The following PSAP variants were observed in gnomAD, a reference collection of about 807,000 sequenced individuals.
The protein encoded by PSAP is prosaposin.
Under a neutral mutation model 66.0 loss-of-function variants are expected in PSAP, and 25 were observed. That is an observed-to-expected ratio of 0.38 (90% CI 0.28 to 0.53). The LOEUF (loss-of-function observed/expected upper bound fraction) is 0.53, where lower values mean the gene tolerates loss of function less well. Among genes scored for constraint, PSAP ranks in the 20% least tolerant of loss-of-function variants. The probability of loss-of-function intolerance (pLI) is 0.83; values close to 1 mark genes in which losing one functional copy is unlikely to be tolerated. For synonymous variants in PSAP, 273 were observed against 258.9 expected (o/e 1.05, Z -0.52); for missense variants, 649 against 668.8 (o/e 0.97, Z 0.33).
chr10:71,832,104 G>A (rs1564821483), intron 2 of PSAP, among the ~76,000 whole-genome samples, 184 bp from the exon 3 acceptor site: 1 of 152,128 alleles, frequency 6.6e-6, no homozygotes, highest in Non-Finnish European at 1.5e-5. Context: ...GGAGGGAAGA[G>A]GTGTGACTCA....
At chr10:71,830,555 C>G (rs1369181556) in intron 4 of PSAP, among the ~76,000 whole-genome samples, 1 of 152,246 alleles carries the variant, frequency 6.6e-6, no homozygotes, top group African/African-American at 2.4e-5. Flanking sequence ...GCCTTCCTCA[C>G]CAGAACCTTG....
chr10:71,817,081 AG>A lies in PSAP; in HGVS notation c.*359del, dbSNP rs1842181350. 1 of 403,556 alleles carries A rather than the reference AG, an allele frequency of 2.5e-6. No homozygotes were observed. Among genetic ancestry groups the A allele is most frequent in the Middle Eastern group, 7.6e-4 (1 of 1,320 alleles). 25.0% of individuals were successfully genotyped at this position (403,556 alleles called of 1,614,324 possible). A position where few individuals can be genotyped will look rare whatever the true frequency, so the allele number is the denominator to read the frequency against. On this transcript the variant is annotated 3_prime_UTR_variant, in exon 14 of 14. Coordinates refer to ENST00000394936, the MANE Select transcript of PSAP (RefSeq NM_002778.4). ...GCCCACCAGTGCCCAAGCACATGTC[AG>A]GGCTCAGAACAAGGCCTCAACCAAG...
At chr10:71,818,153 A>C (rs1396372342) in intron 13 of PSAP, among the ~76,000 whole-genome samples, 3 of 152,240 alleles carry the variant, frequency 2.0e-5, no homozygotes, top group African/African-American at 7.2e-5. Flanking sequence ...AGGCCAGGCC[A>C]GGGCCACAGT....
rs2133048261 is a variant in PSAP, at chr10:71,831,260, G to C, written c.250-9C>G. On this transcript the variant is annotated splice_polypyrimidine_tract_variant and intron_variant, in intron 3 of 13. Coordinates refer to ENST00000394936, the MANE Select transcript of PSAP (RefSeq NM_002778.4). ...TAAACAAGGATCTCCTCCTACGAGAGGACACCAGGGTCAGAATCACGATAG... is the reference window on the plus strand; with the variant it reads ...TAAACAAGGATCTCCTCCTACGAGACGACACCAGGGTCAGAATCACGATAG... 1.2e-6 allele frequency: 2 copies of C among 1,613,486 alleles called. No homozygotes were observed. The highest frequency in any genetic ancestry group is 1.1e-5 in the South Asian group (1 of 91,070).
chr10:71,835,128 G>A lies in PSAP; in HGVS notation c.41-623C>T, dbSNP rs1842595867. Among the ~76,000 whole-genome samples, 3 of 151,968 alleles carry A rather than the reference G, an allele frequency of 2.0e-5. No individual in the cohort carries two copies. The South Asian group carries it at 6.2e-4, about 32-fold the overall frequency. On this transcript the variant is annotated intron_variant, in intron 1 of 13. Coordinates refer to ENST00000394936, the MANE Select transcript of PSAP (RefSeq NM_002778.4). ...GTGGTGGCGGGCGCCTGTAGTTCCA[G>A]CTACTCGGGAGGCTGAGGCAGGAGA...
intron 6 of PSAP, among the ~76,000 whole-genome samples, chr10:71,827,086 T>C (rs1482310626): frequency 6.6e-6 from 1 of 152,122 alleles, no homozygotes; most frequent in Non-Finnish European, 1.5e-5. Context: ...GTCACATACA[T>C]TAGCCAAGCT....
chr10:71,816,713 C>T lies in PSAP; in HGVS notation c.*728G>A, dbSNP rs1006734864. The T allele has an allele frequency of 1.5e-5, 4 of 272,770 alleles. No homozygotes were observed. Among genetic ancestry groups the T allele is most frequent in the Admixed American group, 1.3e-4 (3 of 23,336 alleles). 16.9% of individuals were successfully genotyped at this position (272,770 alleles called of 1,614,324 possible). A position where few individuals can be genotyped will look rare whatever the true frequency, so the allele number is the denominator to read the frequency against. On this transcript the variant is annotated 3_prime_UTR_variant, in exon 14 of 14. Transcript: ENST00000394936. ...CTCACACAAGCCAGGCCCGCAGGGC[C>T]TTCGGAGAGCTAGCAGGTTACATTC...
In PSAP at chr10:71,847,260, G is replaced by A. The variant is rs182258787; in HGVS notation, c.40+3922C>T. 1.3e-3 allele frequency among the ~76,000 whole-genome samples: 204 copies of A among 152,268 alleles called. 2 individuals carry two copies. The East Asian group carries it at 0.026, about 20-fold the overall frequency. On this transcript the variant is annotated intron_variant, in intron 1 of 13. Coordinates refer to ENST00000394936, the MANE Select transcript of PSAP (RefSeq NM_002778.4). Reference sequence around the variant, plus strand: ...ACTTGAGGTCAGGAGTTCAAGACCAGCCTGGCCAACATGGTGAAACCCCAT... The same window carrying A: ...ACTTGAGGTCAGGAGTTCAAGACCAACCTGGCCAACATGGTGAAACCCCAT...
intron 1 of PSAP, among the ~76,000 whole-genome samples, chr10:71,850,702 T>C (rs192997894): frequency 1.1e-4 from 17 of 152,354 alleles, no homozygotes; most frequent in Non-Finnish European, 1.9e-4. Flanking sequence ...AACGTCAATA[T>C]AGATGATACA....
chr10:71,822,178 G>A (rs1348677582), intron 7 of PSAP, 171 bp from the exon 8 acceptor site: 8 of 838,228 alleles, frequency 9.5e-6, no homozygotes, highest in South Asian at 4.4e-5. Flanking sequence ...TAAAGGGCTC[G>A]TGTCTGAAGC....
chr10:71,847,258 C>T (rs1197210040), intron 1 of PSAP, among the ~76,000 whole-genome samples: 1 of 152,124 alleles, frequency 6.6e-6, no homozygotes, highest in Non-Finnish European at 1.5e-5. Flanking sequence ...AGTTCAAGAC[C>T]AGCCTGGCCA....
At position 71,818,242 on chromosome 10, in the gene PSAP, T is replaced by C. The variant is rs1012986496; in HGVS notation, c.1539+375A>G. Among the ~76,000 whole-genome samples the C allele has an allele frequency of 5.9e-5, 9 of 152,114 alleles. No individual in the cohort carries two copies. The East Asian group carries it at 1.7e-3, about 29-fold the overall frequency. ...GGCCCGGCTTCAGCAAGGGCAAACA[T>C]GTTCCCGGGGGACAGGACCTGGGCA... On this transcript the variant is annotated intron_variant, in intron 13 of 13. Transcript: ENST00000394936.
chr10:71,847,582 CCT>C (rs952415187), intron 1 of PSAP, among the ~76,000 whole-genome samples: 4 of 151,702 alleles, frequency 2.6e-5, no homozygotes, highest in African/African-American at 9.7e-5. Context: ...CTTTCGGATG[CCT>C]CTCTCTCACA....
chr10:71,818,803 G>C, intron 12 of PSAP, 79 bp from the exon 13 acceptor site: 1 of 1,275,382 alleles, frequency 7.8e-7, no homozygotes, highest in East Asian at 2.3e-5. Context: ...TAAGAAAACA[G>C]TTTCCAGAAG....
intron 6 of PSAP, among the ~76,000 whole-genome samples, chr10:71,827,700 C>G (rs1054479123): frequency 1.3e-5 from 2 of 149,036 alleles, no homozygotes; most frequent in African/African-American, 5.0e-5. Flanking sequence ...GCACTCCAGC[C>G]TGGGCAACAG....
rs939664714 is a variant in PSAP, at chr10:71,841,845, C to CAT, written c.41-7342_41-7341dup. ...ACACAGTGAAACCTGGTCTCTACTA[C>CAT]ATATATATATATTAGCCAGGCATGG... is the stretch of plus-strand genomic sequence containing the variant. On this transcript the variant is annotated intron_variant, in intron 1 of 13. Coordinates refer to ENST00000394936, the MANE Select transcript of PSAP (RefSeq NM_002778.4). 9.6e-4 allele frequency among the ~76,000 whole-genome samples: 146 copies of CAT among 151,688 alleles called. 2 individuals are homozygous for CAT. The highest frequency in any genetic ancestry group is 3.1e-3 in the African/African-American group (129 of 41,404).
intron 5 of PSAP, 24 bp downstream of exon 5, chr10:71,828,853 T>C (rs1241112026): frequency 6.2e-7 from 1 of 1,613,212 alleles, no homozygotes; most frequent in African/African-American, 1.3e-5. Flanking sequence ...AAATGGGTCC[T>C]CAGTGGCCAG....
At chr10:71,827,338 G>C (rs896517528) in intron 6 of PSAP, among the ~76,000 whole-genome samples, 1 of 150,942 alleles carries the variant, frequency 6.6e-6, no homozygotes, top group African/African-American at 2.4e-5. Flanking sequence ...GGCGGAGCTT[G>C]CAGTGAGCCG....
Position 71,846,932 on chromosome 10 carries a change from T to C in PSAP, c.40+4250A>G, listed in dbSNP as rs1406664004. ...TGCCTCCAAAGCTGCCATGCACACC[T>C]GTCTAAGTGGCTTTGGTCTTGGCCT... On this transcript the variant is annotated intron_variant, in intron 1 of 13. Coordinates refer to ENST00000394936, the MANE Select transcript of PSAP (RefSeq NM_002778.4). 4.6e-5 allele frequency among the ~76,000 whole-genome samples: 7 copies of C among 152,204 alleles called. No homozygotes were observed. The East Asian group carries it at 1.4e-3, about 29-fold the overall frequency.
Sources: gnomAD v4.1 joint callset for allele counts (sites outside exome capture counted in the v4.1 genomes callset) on GRCh38, gnomAD v4.1.1 for gene constraint, MANE v1.5 for transcripts, NCBI Gene and HGNC (gene_info 2026-07-23, HGNC 2026-07-21) for gene names.